Variants in PPARA observed in about 807,000 individuals in gnomAD.
The protein encoded by PPARA is peroxisome proliferator-activated receptor alpha.
In PPARA, 22 loss-of-function variants were observed where a neutral mutation model predicts 42.2. The ratio of observed to expected loss-of-function variants is 0.52; its 90% CI spans 0.37 to 0.74. PPARA has a LOEUF of 0.74. PPARA is among the 30% of genes least tolerant of loss of function. PPARA has a pLI of 0.00. For missense variants in PPARA, 465 were observed against 608.2 expected (o/e 0.76, Z 2.48); for synonymous variants, 242 against 239.3 (o/e 1.01, Z -0.10).
At chr22:46,199,183 G>A (rs539781806) in intron 4 of PPARA, among the ~76,000 whole-genome samples, 104 of 152,272 alleles carry the variant, frequency 6.8e-4, no homozygotes, top group African/African-American at 2.4e-3. Flanking sequence ...CCCGCGGGGG[G>A]CAGCTAGACA....
At chr22:46,169,140 A>C (rs1418228992) in intron 2 of PPARA, among the ~76,000 whole-genome samples, 1 of 152,012 alleles carries the variant, frequency 6.6e-6, no homozygotes, top group Non-Finnish European at 1.5e-5. Flanking sequence ...GTCAATACCC[A>C]TAAAATGTAC....
At chr22:46,228,389 A>G (rs374796059) in intron 7 of PPARA, among the ~76,000 whole-genome samples, 11,659 of 146,406 alleles carry the variant, frequency 0.08, 569 homozygotes, top group Non-Finnish European at 0.11. Flanking sequence ...ACAGAAATTA[A>G]CCAGGCGTGG....
At chr22:46,210,840 A>G (rs1933860310) in intron 4 of PPARA, among the ~76,000 whole-genome samples, 1 of 152,148 alleles carries the variant, frequency 6.6e-6, no homozygotes, top group African/African-American at 2.4e-5. Context: ...CTGGGATGCA[A>G]TTAAGTTACT....
intron 2 of PPARA, among the ~76,000 whole-genome samples, chr22:46,154,233 C>A (rs1458711629): frequency 1.3e-5 from 2 of 152,180 alleles, no homozygotes; most frequent in African/African-American, 4.8e-5. Context: ...AGATGAAGAA[C>A]CTATTTTTGC....
Position 46,231,642 on chromosome 22 carries a change from T to G in PPARA, c.712-150T>G. The G allele has an allele frequency of 1.3e-6, 1 of 769,284 alleles. No homozygotes were observed. Among genetic ancestry groups the G allele is most frequent in the Non-Finnish European group, 2.2e-6 (1 of 448,806 alleles). The allele number at this position is 769,284 out of a possible 1,614,324, so 47.7% of individuals were successfully genotyped here. A position where few individuals can be genotyped will look rare whatever the true frequency, so the allele number is the denominator to read the frequency against. ...TATTTTCCCCAACCGATTTTGAAGT[T>G]GAGTAAGGACTATGTTCCGCGGGTA... On this transcript the variant is annotated intron_variant, in intron 7 of 8. Transcript: ENST00000407236. The surrounding 1 kb of genome is among the most constrained non-coding windows in gnomAD (Gnocchi z 7.7).
chr22:46,202,155 C>G (rs1932869492), intron 4 of PPARA, among the ~76,000 whole-genome samples: 1 of 152,128 alleles, frequency 6.6e-6, no homozygotes, highest in African/African-American at 2.4e-5. Context: ...CCAGCCCCCT[C>G]CTGCCTCCTC....
At chr22:46,185,478 T>C (rs576726410) in intron 3 of PPARA, among the ~76,000 whole-genome samples, 69 of 152,336 alleles carry the variant, frequency 4.5e-4, no homozygotes, top group African/African-American at 1.6e-3. Context: ...CTTTTGCTGC[T>C]GCTTTTCACC....
In PPARA at chr22:46,191,143, G is replaced by A. The variant is rs144094325; in HGVS notation, c.-42-7199G>A. On this transcript the variant is annotated intron_variant, in intron 3 of 8. Transcript: ENST00000407236. The surrounding 1 kb of genome is among the most constrained non-coding windows in gnomAD (Gnocchi z 4.6). ...GGGAGGCGTGGGGTTGCAGTGAGCC[G>A]AGATTGCACAACTGCACTCCAGCCT... Among the ~76,000 whole-genome samples the A allele has an allele frequency of 1.9e-3, 282 of 151,794 alleles. 1 individual carries two copies. The highest frequency in any genetic ancestry group is 6.5e-3 in the African/African-American group (269 of 41,392).
Position 46,233,904 on chromosome 22 carries a change from A to G in PPARA, c.1160-1229A>G, listed in dbSNP as rs1283162313. Among the ~76,000 whole-genome samples the G allele has an allele frequency of 1.3e-5, 2 of 151,858 alleles. No homozygotes were observed. The highest frequency in any genetic ancestry group is 2.9e-5 in the Non-Finnish European group (2 of 67,976). ...AGTGGCACGATCTCAGGTCACTGCA[A>G]CTTCCGCCTCCTGGGTTCAAGTGAT... On this transcript the variant is annotated intron_variant, in intron 8 of 8. Coordinates refer to ENST00000407236, the MANE Select transcript of PPARA (RefSeq NM_005036.6). This position sits in a 1 kb window ranked among gnomAD's most constrained non-coding sequence, Gnocchi z 7.3.
intron 3 of PPARA, among the ~76,000 whole-genome samples, chr22:46,179,571 A>G (rs976688614): frequency 1.3e-5 from 2 of 152,210 alleles, no homozygotes; most frequent in African/African-American, 4.8e-5. Context: ...CTCAAAATAG[A>G]TCAGAGATCT....
chr22:46,196,996 C>T lies in PPARA; in HGVS notation c.-42-1346C>T, dbSNP rs1057320165. ...TGGGCCTCCCAAAGTGCTGGGATTA[C>T]AGGCATGAGCCACTGCACCCGACCC... On this transcript the variant is annotated intron_variant, in intron 3 of 8. Transcript: ENST00000407236. This position sits in a 1 kb window ranked among gnomAD's most constrained non-coding sequence, Gnocchi z 5.6. Among the ~76,000 whole-genome samples the T allele has an allele frequency of 9.9e-5, 15 of 152,112 alleles. No homozygotes were observed. The highest frequency in any genetic ancestry group is 3.1e-4 in the African/African-American group (13 of 41,426).
Position 46,232,641 on chromosome 22 carries a change from A to C in PPARA, c.1159+402A>C, listed in dbSNP as rs1258136587. Among the ~76,000 whole-genome samples, 1 of 151,440 alleles carries C rather than the reference A, an allele frequency of 6.6e-6. No homozygotes were observed. Among genetic ancestry groups the C allele is most frequent in the Non-Finnish European group, 1.5e-5 (1 of 67,914 alleles). ...GCACTCTAGCCTGGGCAACAGAACA[A>C]GACCTATTTCTTTAAAAAAAAATTA... On this transcript the variant is annotated intron_variant, in intron 8 of 8. Coordinates refer to ENST00000407236, the MANE Select transcript of PPARA (RefSeq NM_005036.6). The surrounding 1 kb of genome is among the most constrained non-coding windows in gnomAD (Gnocchi z 5.3).
rs76116601 is a variant in PPARA, at chr22:46,207,277, ATTTTT to A, written c.209-7878_209-7874del. Among the ~76,000 whole-genome samples the A allele has an allele frequency of 8.1e-3, 963 of 119,590 alleles. 14 individuals carry two copies. Among genetic ancestry groups the A allele is most frequent in the African/African-American group, 0.031 (922 of 29,872 alleles). The allele number at this position is 119,590 out of a possible 152,430, so 78.5% of individuals were successfully genotyped here. ...AAAAGTATGTGATTCTACATTGGCA[ATTTTT>A]TTTTTTTTTTTTTTTTTGAGACAGA... is the stretch of plus-strand genomic sequence containing the variant. On this transcript the variant is annotated intron_variant, in intron 4 of 8. Transcript: ENST00000407236.
chr22:46,233,349 C>T lies in PPARA; in HGVS notation c.1159+1110C>T, dbSNP rs1024271530. ...CCTCCACATTTTTGGCTCGGTGTCA[C>T]GTTCCTTTAAATAGCCCCATCTCAG... On this transcript the variant is annotated intron_variant, in intron 8 of 8. Coordinates refer to ENST00000407236, the MANE Select transcript of PPARA (RefSeq NM_005036.6). The surrounding 1 kb of genome is among the most constrained non-coding windows in gnomAD (Gnocchi z 7.3). Among the ~76,000 whole-genome samples, 6 of 152,178 alleles carry T rather than the reference C, an allele frequency of 3.9e-5. No homozygotes were observed. Among genetic ancestry groups the T allele is most frequent in the Non-Finnish European group, 8.8e-5 (6 of 68,032 alleles).
chr22:46,151,696 A>C (rs908582280), intron 1 of PPARA, among the ~76,000 whole-genome samples, 192 bp from the exon 2 acceptor site: 16 of 152,180 alleles, frequency 1.1e-4, no homozygotes, highest in Non-Finnish European at 2.2e-4. Flanking sequence ...CTCCTCTCCC[A>C]GCCTCCTTGG....
chr22:46,166,718 C>G (rs896500921), intron 2 of PPARA, among the ~76,000 whole-genome samples: 3 of 151,830 alleles, frequency 2.0e-5, no homozygotes, highest in Non-Finnish European at 4.4e-5. Flanking sequence ...CAAAACACTG[C>G]TGAGAGAAAT....
intron 7 of PPARA, among the ~76,000 whole-genome samples, chr22:46,229,264 T>C (rs1490842576): frequency 6.6e-6 from 1 of 152,044 alleles, no homozygotes; most frequent in African/African-American, 2.4e-5. Flanking sequence ...TAGTTCCTCC[T>C]AGAGGCCGGG....
chr22:46,242,322 G>A lies in PPARA; in HGVS notation c.*6942G>A, dbSNP rs1936394244. The stretch of plus-strand genomic sequence containing the variant: ...GTCAGCCTTCAGGCCCCGGAGACGA[G>A]TGACTGGCCGATCATTTCACAATAA... On this transcript the variant is annotated 3_prime_UTR_variant, in exon 9 of 9. Coordinates refer to ENST00000407236, the MANE Select transcript of PPARA (RefSeq NM_005036.6). The surrounding 1 kb of genome is among the most constrained non-coding windows in gnomAD (Gnocchi z 6.1). 6.6e-6 allele frequency: 1 copy of A among 152,638 alleles called. No homozygotes were observed. Among genetic ancestry groups the A allele is most frequent in the Non-Finnish European group, 1.5e-5 (1 of 68,040 alleles). 9.5% of individuals were successfully genotyped at this position (152,638 alleles called of 1,614,324 possible).
Position 46,173,373 on chromosome 22 carries a change from A to G in PPARA, c.-126-3380A>G, listed in dbSNP as rs1928393858. The stretch of plus-strand genomic sequence containing the variant: ...ATGAAGGGCGTACAAGTTGTTAGAG[A>G]GGCTGGGAGCCTATTTAAGCACCCA... On this transcript the variant is annotated intron_variant, in intron 2 of 8. Coordinates refer to ENST00000407236, the MANE Select transcript of PPARA (RefSeq NM_005036.6). The surrounding 1 kb of genome is among the most constrained non-coding windows in gnomAD (Gnocchi z 4.3). Among the ~76,000 whole-genome samples the G allele has an allele frequency of 6.6e-6, 1 of 152,214 alleles. No individual in the cohort carries two copies. The highest frequency in any genetic ancestry group is 2.4e-5 in the African/African-American group (1 of 41,460).
Sources: allele counts gnomAD v4.1 joint callset (sites outside exome capture counted in the v4.1 genomes callset), GRCh38; gene constraint gnomAD v4.1.1; non-coding constraint Gnocchi (gnomAD v3.1); transcripts MANE v1.5; gene names NCBI Gene and HGNC (gene_info 2026-07-23, HGNC 2026-07-21).